RPL30: variants seen among roughly 807,000 people sequenced by gnomAD.
RPL30 encodes the protein ribosomal protein L30.
For synonymous variants in RPL30, 40 were observed against 50.4 expected (o/e 0.79, Z 0.87); for missense variants, 60 against 138.0 (o/e 0.43, Z 2.83).
intron 4 of RPL30, chr8:98,042,165 A>C (rs762765867): frequency 1.5e-5 from 9 of 586,250 alleles, no homozygotes; most frequent in South Asian, 1.2e-4. Context: ...AATATAGCGA[A>C]TGTTTAGCCT....
At chr8:98,042,024 C>T in intron 4 of RPL30, 174 bp from the exon 5 acceptor site, 2 of 715,762 alleles carry the variant, frequency 2.8e-6, no homozygotes, top group Non-Finnish European at 5.0e-6. Context: ...TAAGGTTGAC[C>T]AAAGATAACC....
At chr8:98,042,545 A>G (rs1450715136) in intron 4 of RPL30, 100 bp downstream of exon 4, 7 of 1,179,732 alleles carry the variant, frequency 5.9e-6, no homozygotes, top group Non-Finnish European at 8.4e-6. Context: ...ATTCTATCTG[A>G]ATTTAGGAAC....
intron 4 of RPL30, 105 bp downstream of exon 4, chr8:98,042,540 A>G (rs1001584278): frequency 1.4e-5 from 15 of 1,101,030 alleles, no homozygotes; most frequent in Non-Finnish European, 1.8e-5. Context: ...TCCATATTCT[A>G]TCTGAATTTA....
At chr8:98,043,933 C>CG (rs1425813822) in intron 3 of RPL30, 1 of 152,090 alleles carries the variant, frequency 6.6e-6, no homozygotes, top group Non-Finnish European at 1.5e-5. Flanking sequence ...GCCAGCATGG[C>CG]GAAACCCCAT....
In RPL30 at chr8:98,042,077, A is replaced by G. The variant is rs1449264816; in HGVS notation, c.299-227T>C. 4.3e-6 allele frequency: 3 copies of G among 690,208 alleles called. No homozygotes were observed. The Admixed American group carries it at 5.5e-5, about 13-fold the overall frequency. 42.8% of individuals were successfully genotyped at this position (690,208 alleles called of 1,614,324 possible). On this transcript the variant is annotated intron_variant, in intron 4 of 4. Coordinates refer to ENST00000287038, the MANE Select transcript of RPL30 (RefSeq NM_000989.4). ...TATAATCACATAAAATGATCATATA[A>G]TAAAATTGGTTTATCACCAGCATTT...
intron 3 of RPL30, chr8:98,043,771 A>G (rs1169043205): frequency 6.6e-6 from 1 of 152,104 alleles, no homozygotes; most frequent in African/African-American, 2.4e-5. Flanking sequence ...TTGCCACTCA[A>G]TTATGTGAAT....
chr8:98,042,608 CA>C (rs3073528), intron 4 of RPL30, 36 bp downstream of exon 4: 19,062 of 1,439,418 alleles, frequency 0.013, no homozygotes, highest in East Asian at 0.044. Flanking sequence ...ATTAGAAAGG[CA>C]AAAAAAAAAA....
At chr8:98,042,225 T>C in intron 4 of RPL30, 1 of 535,524 alleles carries the variant, frequency 1.9e-6, no homozygotes, top group Non-Finnish European at 3.6e-6. Context: ...CAGTATTCTA[T>C]GAATCAAAGA....
chr8:98,041,808 T>C lies in RPL30; in HGVS notation c.341A>G (p.Glu114Gly). ...IIRSMPEQTG[E>G]K ...TTTTGTAGGTGAAAAGGTTTACTTT[T>C]CACCAGTCTGTTCTGGCATGCTTCT... The change falls in exon 5 of 5, where the codon GAA (glutamate) becomes GGA (glycine). Residue 114 changes from glutamate (E) to glycine (G), a missense_variant. By Grantham distance (98) the Glu-to-Gly change is moderately conservative. Transcript: ENST00000287038. 6.2e-7 allele frequency: 1 copy of C among 1,600,732 alleles called. No homozygotes were observed. Among genetic ancestry groups the C allele is most frequent in the Non-Finnish European group, 8.5e-7 (1 of 1,174,366 alleles).
At chr8:98,042,275 C>A in intron 4 of RPL30, 1 of 455,538 alleles carries the variant, frequency 2.2e-6, no homozygotes, top group Non-Finnish European at 4.2e-6. Context: ...TTTTTTGGCA[C>A]TTTTTTTTTT....
chr8:98,043,628 C>A (rs989519057), intron 3 of RPL30: 1 of 151,694 alleles, frequency 6.6e-6, no homozygotes, highest in African/African-American at 2.4e-5. Context: ...GAGGCCGGAT[C>A]ACTTGAAGTC....
At chr8:98,044,681 T>C (rs1814443922) in intron 3 of RPL30, 2 of 443,708 alleles carry the variant, frequency 4.5e-6, no homozygotes, top group Admixed American at 4.1e-5. Flanking sequence ...AATGTGTCTG[T>C]GTTTCCATTA....
chr8:98,044,580 TA>T (rs377657996), intron 3 of RPL30: 258 of 194,564 alleles, frequency 1.3e-3, no homozygotes, highest in African/African-American at 5.6e-3. Context: ...TTTTTGACAC[TA>T]AAACAAGTTC....
intron 4 of RPL30, 106 bp from the exon 5 acceptor site, chr8:98,041,956 G>A: frequency 2.4e-6 from 2 of 844,100 alleles, no homozygotes; most frequent in Admixed American, 2.0e-5. Flanking sequence ...ACAATGGTCT[G>A]CAAATTAGCA....
In RPL30 at chr8:98,045,132, A is replaced by G. The variant is rs749011583; in HGVS notation, c.22-44T>C. On this transcript the variant is annotated intron_variant, in intron 2 of 4. Coordinates refer to ENST00000287038, the MANE Select transcript of RPL30 (RefSeq NM_000989.4). ...ATACGGACCTAAGGGCCTCGCCTGC[A>G]ACCGCCTCAAAACCGGACCCAGCTT... 40 of 1,593,986 alleles carry G rather than the reference A, an allele frequency of 2.5e-5. No individual in the cohort carries two copies. The East Asian group carries it at 8.5e-4, about 34-fold the overall frequency.
At chr8:98,045,226 C>T (rs1814454734) in intron 2 of RPL30, 121 bp downstream of exon 2, 2 of 1,548,958 alleles carry the variant, frequency 1.3e-6, no homozygotes, top group Non-Finnish European at 1.8e-6. Flanking sequence ...ACTGGGATTC[C>T]TTCTGGGGCC....
At position 98,045,026 on chromosome 8, in the gene RPL30, G is replaced by A. The variant is rs747805407; in HGVS notation, c.84C>T (p.Val28=). The A allele has an allele frequency of 2.5e-6, 4 of 1,614,158 alleles. No individual in the cohort carries two copies. In the Admixed American group the frequency reaches 5.0e-5, roughly 20 times the overall value. ...TCTTCAGAGTCTGCTTGTACCCCAG[G>A]ACGTACTTCCCACTTTTCATAACGA... ...LQLVMKSGKY[V]LGYKQTLKMI... The change falls in exon 3 of 5, where the codon GTC becomes GTT. Residue 28 remains valine, a synonymous_variant. Coordinates refer to ENST00000287038, the MANE Select transcript of RPL30 (RefSeq NM_000989.4).
chr8:98,045,211 G>A (rs1029527722), intron 2 of RPL30, 123 bp from the exon 3 acceptor site: 2 of 1,533,808 alleles, frequency 1.3e-6, no homozygotes, highest in Admixed American at 1.8e-5. Context: ...GTCATTGAGA[G>A]GGCCACTGGG....
At chr8:98,042,456 A>G (rs894817117) in intron 4 of RPL30, 189 bp downstream of exon 4, 17 of 567,532 alleles carry the variant, frequency 3.0e-5, no homozygotes, top group African/African-American at 2.9e-4. Flanking sequence ...AACTTATAAT[A>G]AAGCCAATTA....
Sources: gnomAD v4.1 joint callset for allele counts on GRCh38, gnomAD v4.1.1 for gene constraint, MANE v1.5 for transcripts, NCBI Gene and HGNC (gene_info 2026-07-23, HGNC 2026-07-21) for gene names.